The following IKZF4 variants were observed in gnomAD, a reference collection of about 807,000 sequenced individuals.
IKZF4 encodes IKAROS family zinc finger 4, also known as zinc finger protein Eos.
A neutral mutation model predicts 47.7 loss-of-function variants in IKZF4; 11 were observed. The observed-to-expected ratio is 0.23, with a 90% CI of 0.15 to 0.38. IKZF4 has a LOEUF of 0.38. Ranked by LOEUF, IKZF4 falls within the 10% of genes least tolerant of loss-of-function variation. IKZF4 has a pLI of 1.00. For synonymous variants in IKZF4, 298 were observed against 299.4 expected (o/e 1.00, Z 0.05); for missense variants, 557 against 784.9 (o/e 0.71, Z 3.47).
chr12:56,033,466 G>A, intron 7 of IKZF4, 145 bp downstream of exon 7: 1 of 974,934 alleles, frequency 1.0e-6, no homozygotes, highest in South Asian at 1.5e-5. Context: ...CCAGCACTTT[G>A]GGAGGCCAAG....
rs1445186267 is a variant in IKZF4 at position 56,038,318 on chromosome 12, C to A, written c.*2987C>A. ...CTAGCTTTTGAGACTTATTGCAAAG[C>A]ATTTTGTATATGTAATATATTGTAA... is the stretch of plus-strand genomic sequence containing the variant. On this transcript the variant is annotated 3_prime_UTR_variant, in exon 8 of 8. Coordinates refer to ENST00000547167, the MANE Select transcript of IKZF4 (RefSeq NM_022465.4). The A allele has an allele frequency of 6.6e-6, 1 of 152,358 alleles. No individual in the cohort carries two copies. The allele number at this position is 152,358 out of a possible 1,614,324, so 9.4% of individuals were successfully genotyped here.
rs1366331968 is a variant in IKZF4 at position 56,032,593 on chromosome 12, T to TGTAACTACTGTGGCCG, written c.750_765dup (p.Ser256Ter). The TGTAACTACTGTGGCCG allele has an allele frequency of 1.2e-6, 2 of 1,613,814 alleles. No homozygotes were observed. Among genetic ancestry groups the TGTAACTACTGTGGCCG allele is most frequent in the Admixed American group, 1.7e-5 (1 of 59,986 alleles). On this transcript the variant is annotated frameshift_variant, in exon 6 of 8. Transcript: ENST00000547167. LOFTEE classifies it high-confidence loss of function. ...TCCCACAGTGGGCAAGCCCTACAAG[T>TGTAACTACTGTGGCCG]GTAACTACTGTGGCCGGAGCTACAA...
intron 3 of IKZF4, 95 bp downstream of exon 3, chr12:56,025,253 C>A: frequency 7.6e-7 from 1 of 1,324,132 alleles, no homozygotes; most frequent in Non-Finnish European, 1.0e-6. Context: ...TCCCCATCGT[C>A]ACCTCCTGCT....
At chr12:56,024,039 C>CCTA (rs1292997651) in intron 2 of IKZF4, 14 of 614,424 alleles carry the variant, frequency 2.3e-5, no homozygotes, top group Non-Finnish European at 2.8e-5. Flanking sequence ...TTTTATTTCA[C>CCTA]CTATATATTT....
Position 56,021,488 on chromosome 12 carries a change from G to A in IKZF4, c.-6G>A, listed in dbSNP as rs765626263. On this transcript the variant is annotated 5_prime_UTR_variant, in exon 1 of 8. Transcript: ENST00000547167. The stretch of plus-strand genomic sequence containing the variant: ...GCTCACCCCTGCCTGCCACTGAGAC[G>A]CAGACATGCATACACCACCCGCACT... 6.9e-6 allele frequency: 11 copies of A among 1,598,176 alleles called. No homozygotes were observed. Among genetic ancestry groups the A allele is most frequent in the East Asian group, 2.3e-5 (1 of 43,728 alleles).
intron 3 of IKZF4, among the ~76,000 whole-genome samples, chr12:56,025,626 C>A (rs1045286116): frequency 1.3e-5 from 2 of 152,138 alleles, no homozygotes; most frequent in Admixed American, 6.5e-5. Flanking sequence ...AGAGCCAAAG[C>A]CTTCTCCTCA....
rs1356116580 is a variant in IKZF4 at position 56,035,338 on chromosome 12, C to G, written c.*7C>G. The stretch of plus-strand genomic sequence containing the variant: ...GGAGCATAAGGTGGGCTAGCAACCT[C>G]TCCCTCTCTCCTCAGTCCACCACTC... On this transcript the variant is annotated 3_prime_UTR_variant, in exon 8 of 8. Coordinates refer to ENST00000547167, the MANE Select transcript of IKZF4 (RefSeq NM_022465.4). The surrounding 1 kb of genome is among the most constrained non-coding windows in gnomAD (Gnocchi z 6.1). 6.3e-7 allele frequency: 1 copy of G among 1,599,090 alleles called. No homozygotes were observed. Among genetic ancestry groups the G allele is most frequent in the African/African-American group, 1.3e-5 (1 of 74,940 alleles).
At chr12:56,032,444 C>A in intron 5 of IKZF4, 117 bp from the exon 6 acceptor site, 1 of 1,042,858 alleles carries the variant, frequency 9.6e-7, no homozygotes, top group Non-Finnish European at 1.4e-6. Context: ...TAGAAGAACT[C>A]AATTTAGCAA....
intron 2 of IKZF4, among the ~76,000 whole-genome samples, chr12:56,013,642 G>A (rs571236793): frequency 3.9e-5 from 6 of 152,166 alleles, no homozygotes; most frequent in Non-Finnish European, 8.8e-5. Flanking sequence ...TTCCTCTAAG[G>A]AGACGCTAAG....
chr12:56,015,257 A>G (rs1239892928), intron 2 of IKZF4, among the ~76,000 whole-genome samples: 1 of 151,424 alleles, frequency 6.6e-6, no homozygotes, highest in African/African-American at 2.4e-5. Flanking sequence ...TTGTATTTTT[A>G]GTAGAGATGG....
At chr12:56,008,672 T>A (rs1243778531) in intron 1 of IKZF4, among the ~76,000 whole-genome samples, 17 of 3,046 alleles carry the variant, frequency 5.6e-3, no homozygotes, top group Admixed American at 0.013. Flanking sequence ...TTCCAGGAAA[T>A]TTTTTTTTTT....
chr12:56,021,869 T>G, intron 1 of IKZF4: 1 of 458,734 alleles, frequency 2.2e-6, no homozygotes, highest in South Asian at 2.8e-5. Flanking sequence ...GAGGTAGAGC[T>G]GCCTGGGGTG....
rs193060695 is a variant in IKZF4, at chr12:56,037,117, G to A, written c.*1786G>A. On this transcript the variant is annotated 3_prime_UTR_variant, in exon 8 of 8. Coordinates refer to ENST00000547167, the MANE Select transcript of IKZF4 (RefSeq NM_022465.4). ...AGGGTGGGCTAAGGAACAGACCCTG[G>A]GATTAGGGCCTTAAGGGCTCTGAGA... 2 of 152,260 alleles carry A rather than the reference G, an allele frequency of 1.3e-5. No homozygotes were observed. The highest frequency in any genetic ancestry group is 1.3e-4 in the Admixed American group (2 of 15,266). The allele number at this position is 152,260 out of a possible 1,614,324, so 9.4% of individuals were successfully genotyped here. A position where few individuals can be genotyped will look rare whatever the true frequency, so the allele number is the denominator to read the frequency against.
Position 56,023,718 on chromosome 12 carries a change from G to A in IKZF4, c.135G>A (p.Gln45=). The A allele has an allele frequency of 6.2e-7, 1 of 1,613,962 alleles. No individual in the cohort carries two copies. Among genetic ancestry groups the A allele is most frequent in the African/African-American group, 1.3e-5 (1 of 75,044 alleles). ...GGTGTGTTCCGGATTTCTTGCCTCA[G>A]GCCCAAGACTCCAACCATTTTATAA... ...SGGCVPDFLP[Q]AQDSNHFIME... Residue 45 remains glutamine, a synonymous_variant, in exon 2 of 8, where the codon CAG becomes CAA. Coordinates refer to ENST00000547167, the MANE Select transcript of IKZF4 (RefSeq NM_022465.4).
intron 3 of IKZF4, among the ~76,000 whole-genome samples, chr12:56,025,765 T>C (rs1257011904): frequency 6.6e-6 from 1 of 152,142 alleles, no homozygotes; most frequent in African/African-American, 2.4e-5. Context: ...TTTGCTCTCT[T>C]TGGCCTGTTG....
At chr12:56,031,192 A>G (rs145582453) in intron 5 of IKZF4, among the ~76,000 whole-genome samples, 1 of 152,328 alleles carries the variant, frequency 6.6e-6, no homozygotes, top group African/African-American at 2.4e-5. Flanking sequence ...TAGAGGTTGC[A>G]GTGAGCCGAG....
At chr12:56,022,576 T>C (rs959412431) in intron 1 of IKZF4, among the ~76,000 whole-genome samples, 2 of 152,184 alleles carry the variant, frequency 1.3e-5, no homozygotes, top group Non-Finnish European at 2.9e-5. Context: ...TTCAAAATCC[T>C]TGGTGCCCAA....
At chr12:56,010,498 A>T (rs1891210352) in intron 1 of IKZF4, 1 of 152,174 alleles carries the variant, frequency 6.6e-6, no homozygotes, top group Admixed American at 6.5e-5. Context: ...GAAAAGAGAC[A>T]TAGGAGGAAG....
chr12:56,027,866 G>A lies in IKZF4; in HGVS notation c.634G>A (p.Glu212Lys). Residue 212 changes from glutamate (E) to lysine (K), a missense_variant, in exon 5 of 8, where the codon GAG becomes AAG. Transcript: ENST00000547167. ...LLRHIKLHSGEKPFKCPFCNY... is the reference protein window; with the variant it reads ...LLRHIKLHSGKKPFKCPFCNY... ...GCGCCACATCAAGCTGCACTCTGGGGAGAAGCCCTTTAAATGTCCCTTCTG... is the reference window on the plus strand; with the variant it reads ...GCGCCACATCAAGCTGCACTCTGGGAAGAAGCCCTTTAAATGTCCCTTCTG... 1 of 1,611,774 alleles carries A rather than the reference G, an allele frequency of 6.2e-7. No homozygotes were observed. The highest frequency in any genetic ancestry group is 8.5e-7 in the Non-Finnish European group (1 of 1,178,772).
Sources: allele counts gnomAD v4.1 joint callset (sites outside exome capture counted in the v4.1 genomes callset), GRCh38; gene constraint gnomAD v4.1.1; non-coding constraint Gnocchi (gnomAD v3.1); transcripts MANE v1.5; gene names NCBI Gene and HGNC (gene_info 2026-07-23, HGNC 2026-07-21).